The following PLEKHA6 variants were observed in gnomAD, a reference collection of about 807,000 sequenced individuals.
The protein encoded by PLEKHA6 is pleckstrin homology domain containing A6.
PLEKHA6 carries 60 observed loss-of-function variants against 116.7 expected under a neutral mutation model. The observed-to-expected ratio is 0.51, with a 90% CI of 0.42 to 0.64. The LOEUF (loss-of-function observed/expected upper bound fraction) is 0.64. PLEKHA6 is among the 30% of genes least tolerant of loss of function. The pLI is 0.00. For missense variants in PLEKHA6, 1,338 were observed against 1,422.7 expected, an observed-to-expected ratio of 0.94 and a Z score of 0.96; for synonymous variants, 489 against 556.1, an observed-to-expected ratio of 0.88 and a Z score of 1.70.
At chr1:204,307,510 AGAC>A (rs1380376645) in intron 1 of PLEKHA6, 1 of 152,204 alleles carries the variant, frequency 6.6e-6, no homozygotes, top group Non-Finnish European at 1.5e-5. Context: ...CCTTCCAGGA[AGAC>A]TCTGGTGTCA....
chr1:204,309,642 C>G (rs1265485979), intron 1 of PLEKHA6: 1 of 680,228 alleles, frequency 1.5e-6, no homozygotes, highest in Non-Finnish European at 1.8e-6. Flanking sequence ...ATGCACTTCT[C>G]AGAATGTAGC....
At chr1:204,288,521 G>A (rs1029458522) in intron 1 of PLEKHA6, among the ~76,000 whole-genome samples, 2 of 152,206 alleles carry the variant, frequency 1.3e-5, no homozygotes, top group Admixed American at 6.5e-5. Context: ...GGCCAATAGA[G>A]GAACTGGGAT....
In PLEKHA6 at chr1:204,257,258, C is replaced by CAG; in HGVS notation, c.1524+93_1524+94dup. 2.5e-6 allele frequency: 3 copies of CAG among 1,213,864 alleles called. No individual in the cohort carries two copies. Among genetic ancestry groups the CAG allele is most frequent in the Non-Finnish European group, 3.5e-6 (3 of 852,756 alleles). The allele number at this position is 1,213,864 out of a possible 1,614,324, so 75.2% of individuals were successfully genotyped here. On this transcript the variant is annotated intron_variant, in intron 9 of 22. Coordinates refer to ENST00000272203, the MANE Select transcript of PLEKHA6 (RefSeq NM_014935.5). This position sits in a 1 kb window ranked among gnomAD's most constrained non-coding sequence, Gnocchi z 6.5. ...CAAACGGCCCAGTGGCCCCGTGGCA[C>CAG]AGATGCTCCCACATCTCTGCCTTTT... is the stretch of plus-strand genomic sequence containing the variant.
At chr1:204,236,802 A>G (rs1000465175) in intron 17 of PLEKHA6, among the ~76,000 whole-genome samples, 19 of 152,338 alleles carry the variant, frequency 1.2e-4, no homozygotes, top group African/African-American at 4.3e-4. Context: ...TCAAATGGGC[A>G]AAAGACTAAT....
In PLEKHA6 at chr1:204,268,193, G is replaced by T. The variant is rs376519983; in HGVS notation, c.207+15C>A. On this transcript the variant is annotated intron_variant, in intron 4 of 22. Transcript: ENST00000272203. ...GGTGGAGGCTACGGTGGCCAGAACCGCAGGGTGGCCTCACCTGTTTGAAGA... is the reference window on the plus strand; with the variant it reads ...GGTGGAGGCTACGGTGGCCAGAACCTCAGGGTGGCCTCACCTGTTTGAAGA... 4.5e-6 allele frequency: 7 copies of T among 1,559,712 alleles called. No homozygotes were observed. Among genetic ancestry groups the T allele is most frequent in the South Asian group, 3.4e-5 (3 of 88,790 alleles).
intron 1 of PLEKHA6, among the ~76,000 whole-genome samples, chr1:204,340,256 C>T (rs1672797309): frequency 2.0e-5 from 3 of 152,124 alleles, no homozygotes; most frequent in Non-Finnish European, 4.4e-5. Flanking sequence ...GAAAACAAAC[C>T]CTCTGTGTTT....
intron 12 of PLEKHA6, among the ~76,000 whole-genome samples, 161 bp downstream of exon 12, chr1:204,248,660 G>A (rs540496244): frequency 1.3e-5 from 2 of 152,336 alleles, no homozygotes; most frequent in East Asian, 3.9e-4. Flanking sequence ...CTATTTATTT[G>A]CAGGGCAATA....
In PLEKHA6 at chr1:204,277,339, T is replaced by C. The variant is rs1428624509; in HGVS notation, c.-94-2530A>G. Among the ~76,000 whole-genome samples, 47 of 152,084 alleles carry C rather than the reference T, an allele frequency of 3.1e-4. No homozygotes were observed. On this transcript the variant is annotated intron_variant, in intron 1 of 22. Coordinates refer to ENST00000272203, the MANE Select transcript of PLEKHA6 (RefSeq NM_014935.5). This position sits in a 1 kb window ranked among gnomAD's most constrained non-coding sequence, Gnocchi z 4.1. ...GGCAGAATAAACAAGGAGGGGATGATATCCTCCCCATTCAGCACCCCAAGG... is the reference window on the plus strand; with the variant it reads ...GGCAGAATAAACAAGGAGGGGATGACATCCTCCCCATTCAGCACCCCAAGG...
intron 2 of PLEKHA6, among the ~76,000 whole-genome samples, chr1:204,371,254 T>G (rs1673769480): frequency 6.6e-6 from 1 of 152,178 alleles, no homozygotes; most frequent in African/African-American, 2.4e-5. Flanking sequence ...GGGGATTTTC[T>G]GACTGGGCAG....
intron 7 of PLEKHA6, among the ~76,000 whole-genome samples, chr1:204,260,909 G>A (rs1392322670): frequency 1.3e-5 from 2 of 152,194 alleles, no homozygotes; most frequent in African/African-American, 4.8e-5. Flanking sequence ...GAGAGGGTGA[G>A]TCCCTTGCAC....
At chr1:204,278,328 TC>T (rs1350543057) in intron 1 of PLEKHA6, among the ~76,000 whole-genome samples, 1 of 152,256 alleles carries the variant, frequency 6.6e-6, no homozygotes, top group African/African-American at 2.4e-5. Context: ...GCCAAGATGT[TC>T]TTTTTGATAT....
At chr1:204,273,133 G>C (rs1667645258) in intron 3 of PLEKHA6, among the ~76,000 whole-genome samples, 1 of 152,080 alleles carries the variant, frequency 6.6e-6, no homozygotes, top group Non-Finnish European at 1.5e-5. Flanking sequence ...TTCTCCTGGG[G>C]CTCTCTTCCT....
At chr1:204,242,750 C>A (rs1277712722) in intron 15 of PLEKHA6, among the ~76,000 whole-genome samples, 1 of 152,162 alleles carries the variant, frequency 6.6e-6, no homozygotes, top group African/African-American at 2.4e-5. Context: ...GGGATGGGCA[C>A]ACGAAGGGAT....
chr1:204,342,523 T>C (rs1011161812), intron 1 of PLEKHA6, among the ~76,000 whole-genome samples: 9 of 152,360 alleles, frequency 5.9e-5, no homozygotes, highest in African/African-American at 2.2e-4. Context: ...CCGCTTTTAA[T>C]GTGCATATGA....
intron 13 of PLEKHA6, among the ~76,000 whole-genome samples, chr1:204,246,992 C>T (rs539086725): frequency 6.6e-6 from 1 of 152,188 alleles, no homozygotes; most frequent in Admixed American, 6.5e-5. Context: ...AAAAACTAGC[C>T]AAGCATGGTG....
intron 9 of PLEKHA6, among the ~76,000 whole-genome samples, chr1:204,256,061 A>G (rs1450588293): frequency 1.3e-5 from 2 of 152,174 alleles, no homozygotes. Context: ...CAAAGCTTAT[A>G]TGCTGTGGAC....
Position 204,223,438 on chromosome 1 carries a change from G to A in PLEKHA6, c.*8+24C>T. On this transcript the variant is annotated intron_variant, in intron 22 of 22. Transcript: ENST00000272203. This position sits in a 1 kb window ranked among gnomAD's most constrained non-coding sequence, Gnocchi z 4.8. ...AAGGGGCCCCACTCCCGAGGTGGATGAAATACAGTAGAAAAGTGCTTACGT... is the reference window on the plus strand; with the variant it reads ...AAGGGGCCCCACTCCCGAGGTGGATAAAATACAGTAGAAAAGTGCTTACGT... 7.7e-7 allele frequency: 1 copy of A among 1,306,364 alleles called. No homozygotes were observed. The highest frequency in any genetic ancestry group is 1.1e-6 in the Non-Finnish European group (1 of 922,876). 80.9% of individuals were successfully genotyped at this position (1,306,364 alleles called of 1,614,324 possible).
In PLEKHA6 at chr1:204,220,015, GA is replaced by G. The variant is rs967320749; in HGVS notation, c.*2772del. Reference sequence around the variant, plus strand: ...GACCCAGGCCAGAGAGGGATCAAGTGAAAAGGAGTGTGACAAGTCCAAGGAA... The same window carrying G: ...GACCCAGGCCAGAGAGGGATCAAGTGAAAGGAGTGTGACAAGTCCAAGGAA... On this transcript the variant is annotated 3_prime_UTR_variant, in exon 23 of 23. Transcript: ENST00000272203. 5 of 152,240 alleles carry G rather than the reference GA, an allele frequency of 3.3e-5. No individual in the cohort carries two copies. Among genetic ancestry groups the G allele is most frequent in the African/African-American group, 1.2e-4 (5 of 41,460 alleles). 9.4% of individuals were successfully genotyped at this position (152,240 alleles called of 1,614,324 possible).
intron 3 of PLEKHA6, among the ~76,000 whole-genome samples, chr1:204,268,992 C>T (rs1314967041): frequency 6.6e-6 from 1 of 152,158 alleles, no homozygotes; most frequent in African/African-American, 2.4e-5. Context: ...GAGCATGACC[C>T]ATCAATGCCC....
Sources: allele counts gnomAD v4.1 joint callset (sites outside exome capture counted in the v4.1 genomes callset), GRCh38; gene constraint gnomAD v4.1.1; non-coding constraint Gnocchi (gnomAD v3.1); transcripts MANE v1.5; gene names NCBI Gene and HGNC (gene_info 2026-07-23, HGNC 2026-07-21).